FER1L6: variants seen among roughly 807,000 people sequenced by gnomAD.
FER1L6 encodes the protein fer-1 like family member 6.
In FER1L6, 177 loss-of-function variants were observed where a neutral mutation model predicts 219.2. The ratio of observed to expected loss-of-function variants is 0.81; its 90% CI spans 0.71 to 0.91. FER1L6 has a LOEUF of 0.91. FER1L6 is among the 40% of genes least tolerant of loss of function. The pLI, the probability that FER1L6 is intolerant of heterozygous loss-of-function variation, is 0.00. For synonymous variants in FER1L6, 768 were observed against 824.3 expected (o/e 0.93, Z 1.17); for missense variants, 2,153 against 2,259.9 (o/e 0.95, Z 0.96).
Position 124,045,883 on chromosome 8 carries a change from G to A in FER1L6, c.2706G>A (p.Leu902=). Residue 902 remains leucine, a synonymous_variant, in exon 21 of 41, where the codon CTG becomes CTA. Transcript: ENST00000522917. Reference sequence around the variant, plus strand: ...CCCCGCCCTTAGTGGTGGTGGAGCTGTATGACAGCGACGCTGTGGTGAGTG... The same window carrying A: ...CCCCGCCCTTAGTGGTGGTGGAGCTATATGACAGCGACGCTGTGGTGAGTG... ...AESPPLVVVE[L]YDSDAVGKPE... 6.2e-7 allele frequency: 1 copy of A among 1,613,948 alleles called. No homozygotes were observed. The highest frequency in any genetic ancestry group is 8.5e-7 in the Non-Finnish European group (1 of 1,179,978).
At chr8:123,957,711 C>A (rs1210092876) in intron 2 of FER1L6, among the ~76,000 whole-genome samples, 1 of 152,136 alleles carries the variant, frequency 6.6e-6, no homozygotes, top group Non-Finnish European at 1.5e-5. Context: ...GTTAACAGCC[C>A]TCCCTGAGAA....
intron 1 of FER1L6, among the ~76,000 whole-genome samples, chr8:123,877,136 A>G (rs1481310780): frequency 1.3e-5 from 2 of 152,262 alleles, no homozygotes; most frequent in South Asian, 2.1e-4. Context: ...ACAACACCAT[A>G]GAAATGTTTA....
Position 124,108,367 on chromosome 8 carries a change from C to A in FER1L6, c.5289+5058C>A, listed in dbSNP as rs79647829. On this transcript the variant is annotated intron_variant, in intron 39 of 40. Coordinates refer to ENST00000522917, the MANE Select transcript of FER1L6 (RefSeq NM_001039112.2). ...ATGTACACCTCATGAGCTGTCGTAA[C>A]CCTGAAATGAGATAGTATGTTCCAG... 3.9e-4 allele frequency among the ~76,000 whole-genome samples: 59 copies of A among 152,282 alleles called. 1 individual carries two copies. The East Asian group carries it at 0.01, about 26-fold the overall frequency.
chr8:123,989,921 A>G (rs1237571466), intron 12 of FER1L6, among the ~76,000 whole-genome samples: 1 of 152,156 alleles, frequency 6.6e-6, no homozygotes, highest in Non-Finnish European at 1.5e-5. Flanking sequence ...TCCTTTGGGT[A>G]GATAACCAGT....
chr8:123,900,663 T>G (rs1253178342), intron 1 of FER1L6, among the ~76,000 whole-genome samples: 2 of 152,216 alleles, frequency 1.3e-5, no homozygotes, highest in Non-Finnish European at 2.9e-5. Context: ...TTAATTACAT[T>G]AACGTATGTC....
intron 23 of FER1L6, 71 bp downstream of exon 23, chr8:124,060,361 G>T: frequency 6.7e-7 from 1 of 1,498,372 alleles, no homozygotes. Context: ...AATTGTAGGA[G>T]AGGTGATATG....
intron 34 of FER1L6, among the ~76,000 whole-genome samples, chr8:124,094,084 C>G (rs9297685): frequency 0.85 from 128,919 of 152,120 alleles, 54,794 homozygotes; most frequent in African/African-American, 0.88. Flanking sequence ...CAGATGAGAG[C>G]ACATTTCCTG....
chr8:123,916,682 T>TATCC (rs1014334984), intron 1 of FER1L6, among the ~76,000 whole-genome samples: 3 of 152,218 alleles, frequency 2.0e-5, no homozygotes, highest in Non-Finnish European at 4.4e-5. Context: ...GCAAGGCTTA[T>TATCC]ATCCAACCAT....
At chr8:123,964,515 A>AC (rs1249075629) in intron 3 of FER1L6, among the ~76,000 whole-genome samples, 6 of 152,238 alleles carry the variant, frequency 3.9e-5, no homozygotes, top group Non-Finnish European at 8.8e-5. Context: ...ATGTGTACAC[A>AC]CCTACTCACT....
chr8:123,934,256 T>C lies in FER1L6; in HGVS notation c.-7-21736T>C, dbSNP rs368583382. ...CTTGATGCAGTACCATTATCTAATATGGCACATGTTCTGATTTCTCCATTT... is the reference window on the plus strand; with the variant it reads ...CTTGATGCAGTACCATTATCTAATACGGCACATGTTCTGATTTCTCCATTT... On this transcript the variant is annotated intron_variant, in intron 1 of 40. Transcript: ENST00000522917. Among the ~76,000 whole-genome samples the C allele has an allele frequency of 1.6e-4, 25 of 152,318 alleles. No individual in the cohort carries two copies. The South Asian group carries it at 5.2e-3, about 32-fold the overall frequency.
Position 123,970,088 on chromosome 8 carries a change from C to T in FER1L6, c.438C>T (p.Ile146=). The change falls in exon 6 of 41, where the codon ATC becomes ATT. Residue 146 remains isoleucine (I), a synonymous_variant. Transcript: ENST00000522917. The part of the protein sequence containing the change: ...GPQVHLFDKI[I]KISVFHHKLI... ...AAGTGCATCTTTTTGACAAGATCAT[C>T]AAAATCTCCGTAAGTATAGCATTGG... 3 of 1,613,836 alleles carry T rather than the reference C, an allele frequency of 1.9e-6. No homozygotes were observed. The highest frequency in any genetic ancestry group is 2.5e-6 in the Non-Finnish European group (3 of 1,179,804).
rs141811852 is a variant in FER1L6 at position 123,928,433 on chromosome 8, G to C, written c.-7-27559G>C. 4.0e-3 allele frequency among the ~76,000 whole-genome samples: 610 copies of C among 152,290 alleles called. 4 individuals carry two copies. The highest frequency in any genetic ancestry group is 0.014 in the African/African-American group (575 of 41,536). On this transcript the variant is annotated intron_variant, in intron 1 of 40. Coordinates refer to ENST00000522917, the MANE Select transcript of FER1L6 (RefSeq NM_001039112.2). Reference sequence around the variant, plus strand: ...TAAAGCTAGTGGCACAAATAAACAGGTAGAGTAGAACCATTCTGCTGTGGG... The same window carrying C: ...TAAAGCTAGTGGCACAAATAAACAGCTAGAGTAGAACCATTCTGCTGTGGG...
chr8:123,856,583 T>C (rs74478032), intron 1 of FER1L6, among the ~76,000 whole-genome samples: 3,623 of 151,542 alleles, frequency 0.024, 137 homozygotes, highest in African/African-American at 0.083. Context: ...TTCATTGCCA[T>C]TATTCTTAGC....
At chr8:123,921,849 G>A (rs1813373186) in intron 1 of FER1L6, among the ~76,000 whole-genome samples, 1 of 152,036 alleles carries the variant, frequency 6.6e-6, no homozygotes, top group Non-Finnish European at 1.5e-5. Context: ...GGCCGCCCTC[G>A]GGCTGAGAGA....
rs146963675 is a variant in FER1L6, at chr8:123,874,809, A to G, written c.-8+22624A>G. Among the ~76,000 whole-genome samples the G allele has an allele frequency of 4.5e-3, 691 of 152,312 alleles. 5 individuals are homozygous for G. The highest frequency in any genetic ancestry group is 0.015 in the African/African-American group (614 of 41,566). On this transcript the variant is annotated intron_variant, in intron 1 of 40. Coordinates refer to ENST00000522917, the MANE Select transcript of FER1L6 (RefSeq NM_001039112.2). ...GTTCCCTCTCTAGTGGATCAAATGT[A>G]TAAACGTGCCATAATATTTTCCACC...
At chr8:123,966,367 CAAAG>C in intron 5 of FER1L6, 77 bp downstream of exon 5, 2 of 1,575,048 alleles carry the variant, frequency 1.3e-6, no homozygotes, top group Non-Finnish European at 1.7e-6. Context: ...TTCAGTCAAA[CAAAG>C]AGCTGTGCCC....
intron 12 of FER1L6, among the ~76,000 whole-genome samples, chr8:124,001,536 T>G (rs1472763597): frequency 1.3e-5 from 2 of 152,234 alleles, no homozygotes; most frequent in Non-Finnish European, 2.9e-5. Flanking sequence ...AGCTGGTGAA[T>G]TTTAAAAAGA....
At chr8:123,929,627 C>A (rs7838453) in intron 1 of FER1L6, among the ~76,000 whole-genome samples, 59,281 of 151,844 alleles carry the variant, frequency 0.39, 12,201 homozygotes, top group South Asian at 0.52. Context: ...CTACTACTCT[C>A]CGCTGACTCT....
At chr8:124,049,342 G>A (rs939233073) in intron 21 of FER1L6, among the ~76,000 whole-genome samples, 1 of 152,132 alleles carries the variant, frequency 6.6e-6, no homozygotes, top group African/African-American at 2.4e-5. Context: ...TACCGCGCCT[G>A]TATGACCCTT....
Sources: allele counts gnomAD v4.1 joint callset (sites outside exome capture counted in the v4.1 genomes callset), GRCh38; gene constraint gnomAD v4.1.1; transcripts MANE v1.5; gene names NCBI Gene and HGNC (gene_info 2026-07-23, HGNC 2026-07-21).